TTC6: variants seen among roughly 807,000 people sequenced by gnomAD.
TTC6 encodes tetratricopeptide repeat domain 6.
TTC6 carries 172 observed loss-of-function variants against 210.4 expected under a neutral mutation model. That is an observed-to-expected ratio of 0.82 (90% CI 0.72 to 0.93). The LOEUF (loss-of-function observed/expected upper bound fraction) is 0.93, where lower values mean the gene tolerates loss of function less well. Among genes scored for constraint, TTC6 ranks in the 40% least tolerant of loss-of-function variants. TTC6 has a pLI of 0.00. For missense variants in TTC6, 2,414 were observed against 2,318.1 expected, an observed-to-expected ratio of 1.04 and a Z score of -0.85; for synonymous variants, 804 against 819.6, an observed-to-expected ratio of 0.98 and a Z score of 0.32.
chr14:37,599,622 C>T (rs1383058885), intron 1 of TTC6, among the ~76,000 whole-genome samples: 1 of 152,184 alleles, frequency 6.6e-6, no homozygotes, highest in Non-Finnish European at 1.5e-5. Flanking sequence ...GGAGCTGCTC[C>T]CCACCCGGCC....
At chr14:37,691,012 A>G (rs1005899422) in intron 3 of TTC6, among the ~76,000 whole-genome samples, 1 of 152,070 alleles carries the variant, frequency 6.6e-6, no homozygotes, top group Non-Finnish European at 1.5e-5. Flanking sequence ...CCCCACCAAT[A>G]TTAAACATTT....
rs746214976 is a variant in TTC6, at chr14:37,750,933, A to G, written c.2957-120A>G. The stretch of plus-strand genomic sequence containing the variant: ...GAATAAAATAAGATAAACTAATAAG[A>G]AAGTGTAATAGAGAAAAATTATTTT... On this transcript the variant is annotated intron_variant, in intron 12 of 30. Transcript: ENST00000553443. 6.1e-4 allele frequency: 317 copies of G among 522,732 alleles called. 1 individual carries two copies. Among genetic ancestry groups the G allele is most frequent in the Non-Finnish European group, 9.2e-4 (294 of 319,646 alleles). The allele number at this position is 522,732 out of a possible 1,614,324, so 32.4% of individuals were successfully genotyped here. A position where few individuals can be genotyped will look rare whatever the true frequency, so the allele number is the denominator to read the frequency against.
At chr14:37,783,792 A>G (rs1041115563) in intron 14 of TTC6, among the ~76,000 whole-genome samples, 7 of 152,164 alleles carry the variant, frequency 4.6e-5, no homozygotes, top group African/African-American at 1.7e-4. Flanking sequence ...CCCTCTACAC[A>G]CTGCTTGAAA....
At chr14:37,709,794 A>G (rs1398881617) in intron 5 of TTC6, among the ~76,000 whole-genome samples, 1 of 152,034 alleles carries the variant, frequency 6.6e-6, no homozygotes, top group African/African-American at 2.4e-5. Context: ...AACATACATA[A>G]TATTCATATG....
At chr14:37,703,572 G>A (rs17106966) in intron 5 of TTC6, among the ~76,000 whole-genome samples, 8,331 of 152,040 alleles carry the variant, frequency 0.055, 293 homozygotes, top group East Asian at 0.19. Context: ...ATGGCTTTTT[G>A]CATTTTTTTG....
chr14:37,780,221 T>G (rs2139249628), intron 14 of TTC6, among the ~76,000 whole-genome samples: 1 of 152,314 alleles, frequency 6.6e-6, no homozygotes, highest in Non-Finnish European at 1.5e-5. Context: ...ATTAGAAAAT[T>G]AGTGAAACAT....
At chr14:37,639,347 T>C (rs1041004810) in intron 1 of TTC6, among the ~76,000 whole-genome samples, 4 of 152,206 alleles carry the variant, frequency 2.6e-5, no homozygotes, top group Non-Finnish European at 5.9e-5. Context: ...TACTGAAAAC[T>C]ACAGACACTT....
At position 37,628,523 on chromosome 14, in the gene TTC6, T is replaced by G. The variant is rs568022746; in HGVS notation, c.939+5520T>G. Among the ~76,000 whole-genome samples the G allele has an allele frequency of 2.7e-3, 404 of 152,246 alleles. 4 individuals carry two copies. Among genetic ancestry groups the G allele is most frequent in the African/African-American group, 9.3e-3 (386 of 41,544 alleles). On this transcript the variant is annotated intron_variant, in intron 1 of 30. Coordinates refer to ENST00000553443, the Ensembl canonical transcript of TTC6. Reference sequence around the variant, plus strand: ...GGATATTAGCCCTTTGTGAGATGGATAGATTGCAAAAATTTTCTCCCATTC... The same window carrying G: ...GGATATTAGCCCTTTGTGAGATGGAGAGATTGCAAAAATTTTCTCCCATTC...
chr14:37,790,623 G>C (rs1464694318), intron 15 of TTC6, 94 bp from the exon 18 acceptor site: 1 of 999,670 alleles, frequency 1.0e-6, no homozygotes, highest in African/African-American at 1.6e-5. Flanking sequence ...GTTAAAAAAT[G>C]AGAATAAGCA....
At chr14:37,749,522 A>C in intron 11 of TTC6, 121 bp downstream of exon 13, 1 of 1,131,716 alleles carries the variant, frequency 8.8e-7, no homozygotes. Context: ...GAATTATTAT[A>C]ACAGTATAAT....
At chr14:37,785,980 T>A (rs1211736151) in intron 14 of TTC6, among the ~76,000 whole-genome samples, 1 of 152,164 alleles carries the variant, frequency 6.6e-6, no homozygotes, top group Non-Finnish European at 1.5e-5. Context: ...TGATTGTTCC[T>A]CTGGAAGCTT....
chr14:37,797,169 C>T (rs1293659535), intron 20 of TTC6, among the ~76,000 whole-genome samples: 1 of 151,860 alleles, frequency 6.6e-6, no homozygotes, highest in Non-Finnish European at 1.5e-5. Flanking sequence ...GAGTAGTTTT[C>T]CAGGTTATAT....
At chr14:37,618,497 A>G (rs2095646272), upstream of TTC6, among the ~76,000 whole-genome samples, 1 of 152,242 alleles carries the variant, frequency 6.6e-6, no homozygotes, top group African/African-American at 2.4e-5. Context: ...AGACAACTAC[A>G]TTATTTTTCC....
At chr14:37,674,972 A>G (rs1379836670) in intron 1 of TTC6, among the ~76,000 whole-genome samples, 2 of 152,068 alleles carry the variant, frequency 1.3e-5, no homozygotes, top group Non-Finnish European at 2.9e-5. Context: ...TTTTACTACT[A>G]TGTTAGTTAA....
At chr14:37,816,442 CA>C (rs2096142083) in intron 25 of TTC6, among the ~76,000 whole-genome samples, 1 of 152,086 alleles carries the variant, frequency 6.6e-6, no homozygotes, top group African/African-American at 2.4e-5. Context: ...TTTGGGGCTG[CA>C]GATTTCTGCT....
chr14:37,784,208 G>A (rs2096062222), intron 14 of TTC6, among the ~76,000 whole-genome samples: 2 of 152,170 alleles, frequency 1.3e-5, no homozygotes, highest in Non-Finnish European at 2.9e-5. Context: ...CCTGTCTAAT[G>A]TTGACAGTGG....
chr14:37,772,572 T>C (rs2096023146), intron 14 of TTC6: 1 of 152,834 alleles, frequency 6.5e-6, no homozygotes, highest in African/African-American at 2.4e-5. Context: ...ATTTTCCAGG[T>C]GCCGTCCGTC....
rs2095944506 is a variant in TTC6 at position 37,749,122 on chromosome 14, G to GT, written c.2548dup (p.Tyr850LeufsTer13). On this transcript the variant is annotated frameshift_variant, in exon 11 of 31. Transcript: ENST00000553443. LOFTEE classifies it high-confidence loss of function. ...CATGGGCTCTTGATAGGCTCATTGA[G>GT]TACAAAGATGCGAGCATACCTGTAA... 3.3e-6 allele frequency: 5 copies of GT among 1,535,664 alleles called. No individual in the cohort carries two copies. The highest frequency in any genetic ancestry group is 1.2e-5 in the South Asian group (1 of 84,034).
intron 14 of TTC6, among the ~76,000 whole-genome samples, chr14:37,770,407 A>G (rs2096014164): frequency 6.6e-6 from 1 of 152,084 alleles, no homozygotes; most frequent in African/African-American, 2.4e-5. Context: ...GTGGGGTGTT[A>G]AAGTCTCCCA....
Sources: allele counts gnomAD v4.1 joint callset (sites outside exome capture counted in the v4.1 genomes callset), GRCh38; gene constraint gnomAD v4.1.1; transcripts MANE v1.5; gene names NCBI Gene and HGNC (gene_info 2026-07-23, HGNC 2026-07-21).